The following ARHGEF19 variants were observed in gnomAD, a reference collection of about 807,000 sequenced individuals.
The protein encoded by ARHGEF19 is Rho guanine nucleotide exchange factor (GEF) 19.
In ARHGEF19, 92 loss-of-function variants were observed where a neutral mutation model predicts 87.6. The ratio of observed to expected loss-of-function variants is 1.05; its 90% CI spans 0.89 to 1.25. ARHGEF19 has a LOEUF of 1.25. ARHGEF19 is among the 50% of genes most tolerant of loss of function. The pLI, the probability that ARHGEF19 is intolerant of heterozygous loss-of-function variation, is 0.00. For missense variants in ARHGEF19, 1,054 were observed against 1,051.8 expected (o/e 1.00, Z -0.03); for synonymous variants, 438 against 446.2 (o/e 0.98, Z 0.23).
intron 12 of ARHGEF19, 103 bp downstream of exon 12, chr1:16,204,656 A>G: frequency 7.3e-7 from 1 of 1,374,446 alleles, no homozygotes; most frequent in Admixed American, 2.6e-5. Flanking sequence ...TGGCACAGGC[A>G]GGGACTCCCA....
chr1:16,205,925 C>A lies in ARHGEF19; in HGVS notation c.1451+6G>T. ...CCCCCGCCCCTTTCAGAGCCCCCAG[C>A]CCTACAGCAGGCGCTGGTAGGTGCG... On this transcript the variant is annotated splice_donor_region_variant and intron_variant, in intron 8 of 15. Coordinates refer to ENST00000270747, the MANE Select transcript of ARHGEF19 (RefSeq NM_153213.5). This position sits in a 1 kb window ranked among gnomAD's most constrained non-coding sequence, Gnocchi z 5.8. 1 of 1,602,660 alleles carries A rather than the reference C, an allele frequency of 6.2e-7. No individual in the cohort carries two copies. Among genetic ancestry groups the A allele is most frequent in the Non-Finnish European group, 8.5e-7 (1 of 1,174,776 alleles).
chr1:16,201,541 G>T (rs1450514528), intron 14 of ARHGEF19, among the ~76,000 whole-genome samples: 1 of 152,150 alleles, frequency 6.6e-6, no homozygotes, highest in Non-Finnish European at 1.5e-5. Context: ...TGTAAAACAG[G>T]GGTGAAATGG....
chr1:16,200,707 G>A (rs779149217), intron 14 of ARHGEF19, among the ~76,000 whole-genome samples: 1 of 151,864 alleles, frequency 6.6e-6, no homozygotes, highest in Non-Finnish European at 1.5e-5. Flanking sequence ...TTGTGCCATT[G>A]CACTCCAGCC....
In ARHGEF19 at chr1:16,207,772, C is replaced by G; in HGVS notation, c.700G>C (p.Ala234Pro). ...ACACTTCGAGCCTCCATTCCAGATGCTTTCCCTGGAGAGGGCGAGAACTGA... is the reference window on the plus strand; with the variant it reads ...ACACTTCGAGCCTCCATTCCAGATGGTTTCCCTGGAGAGGGCGAGAACTGA... Reference protein sequence around the residue: ...SGTGAAREGKASGMEARSVEM... With the variant: ...SGTGAAREGKPSGMEARSVEM... The change falls in exon 4 of 16, where the codon GCA becomes CCA. Residue 234 changes from alanine to proline, a missense_variant. Physicochemically the swap from Ala to Pro is conservative, Grantham distance 27. Transcript: ENST00000270747. The surrounding 1 kb of genome is among the most constrained non-coding windows in gnomAD (Gnocchi z 4.0). The G allele has an allele frequency of 6.2e-7, 1 of 1,613,922 alleles. No homozygotes were observed. The highest frequency in any genetic ancestry group is 1.1e-5 in the South Asian group (1 of 91,078).
Position 16,207,902 on chromosome 1 carries a change from C to CCGCCGCGGGGG in ARHGEF19, c.694+41_694+42insCCCCCGCGGCG. 3.2e-6 allele frequency: 5 copies of CCGCCGCGGGGG among 1,574,786 alleles called. No homozygotes were observed. Among genetic ancestry groups the CCGCCGCGGGGG allele is most frequent in the Non-Finnish European group, 3.5e-6 (4 of 1,159,168 alleles). On this transcript the variant is annotated intron_variant, in intron 3 of 15. Coordinates refer to ENST00000270747, the MANE Select transcript of ARHGEF19 (RefSeq NM_153213.5). This position sits in a 1 kb window ranked among gnomAD's most constrained non-coding sequence, Gnocchi z 4.0. ...GGCATCGCCCACCCCCACCCCCACC[C>CCGCCGCGGGGG]GGCATCTGGCTGCCCTCAGGGCCCA...
At chr1:16,211,770 A>G (rs2081198379) in intron 1 of ARHGEF19, among the ~76,000 whole-genome samples, 1 of 152,224 alleles carries the variant, frequency 6.6e-6, no homozygotes, top group Admixed American at 6.5e-5. Context: ...TGTGTAGCTC[A>G]TCTCTGTTAG....
chr1:16,202,875 TTTTTGTTTTG>T (rs201420134), intron 12 of ARHGEF19, among the ~76,000 whole-genome samples: 1 of 152,040 alleles, frequency 6.6e-6, no homozygotes, highest in Non-Finnish European at 1.5e-5. Flanking sequence ...GTTTTTTGGC[TTTTTGTTTTG>T]TTTTGTTTTA....
chr1:16,209,347 T>G (rs942747927), intron 1 of ARHGEF19, among the ~76,000 whole-genome samples: 22 of 152,206 alleles, frequency 1.4e-4, no homozygotes, highest in Non-Finnish European at 2.4e-4. Flanking sequence ...ATTTTATAGG[T>G]GAGGAAACTG....
rs747296303 is a variant in ARHGEF19 at position 16,198,327 on chromosome 1, G to GT, written c.*259dup. On this transcript the variant is annotated 3_prime_UTR_variant, in exon 16 of 16. Coordinates refer to ENST00000270747, the MANE Select transcript of ARHGEF19 (RefSeq NM_153213.5). The surrounding 1 kb of genome is among the most constrained non-coding windows in gnomAD (Gnocchi z 4.1). ...AGGAGAGGGCCCCAGTCTTTGCCAG[G>GT]TATCAGTGATCACCTGTTATGGTCC... 136 of 357,198 alleles carry GT rather than the reference G, an allele frequency of 3.8e-4. No individual in the cohort carries two copies. Among genetic ancestry groups the GT allele is most frequent in the Non-Finnish European group, 6.3e-4 (126 of 199,926 alleles). 22.1% of individuals were successfully genotyped at this position (357,198 alleles called of 1,614,324 possible).
At position 16,206,944 on chromosome 1, in the gene ARHGEF19, C is replaced by T. The variant is rs1288560386; in HGVS notation, c.1137+4G>A. ...CGCCCCGCCGGGTCCCCGCGCGCGC[C>T]CACCTCCTGCAGCTTGCAGTCCCGC... On this transcript the variant is annotated splice_donor_region_variant and intron_variant, in intron 6 of 15. Coordinates refer to ENST00000270747, the MANE Select transcript of ARHGEF19 (RefSeq NM_153213.5). This position sits in a 1 kb window ranked among gnomAD's most constrained non-coding sequence, Gnocchi z 4.6. The T allele has an allele frequency of 1.4e-6, 2 of 1,467,632 alleles. No homozygotes were observed. Among genetic ancestry groups the T allele is most frequent in the South Asian group, 1.3e-5 (1 of 75,718 alleles). The allele number at this position is 1,467,632 out of a possible 1,614,324, so 90.9% of individuals were successfully genotyped here.
At chr1:16,201,920 G>A in intron 13 of ARHGEF19, 59 bp from the exon 14 acceptor site, 1 of 1,568,682 alleles carries the variant, frequency 6.4e-7, no homozygotes, top group Non-Finnish European at 8.7e-7. Flanking sequence ...CCAGGGCAGG[G>A]TGCTGAAACC....
Position 16,201,290 on chromosome 1 carries a change from C to T in ARHGEF19, c.2146+492G>A, listed in dbSNP as rs146638742. Among the ~76,000 whole-genome samples the T allele has an allele frequency of 5.4e-3, 821 of 152,260 alleles. 7 individuals are homozygous for T. The highest frequency in any genetic ancestry group is 0.019 in the African/African-American group (783 of 41,556). ...ATAGGAAGGCTCTCTATGATTAGGTCGCACCCTGGCTTACCAGCCTCACTT... is the reference window on the plus strand; with the variant it reads ...ATAGGAAGGCTCTCTATGATTAGGTTGCACCCTGGCTTACCAGCCTCACTT... On this transcript the variant is annotated intron_variant, in intron 14 of 15. Transcript: ENST00000270747.
intron 1 of ARHGEF19, among the ~76,000 whole-genome samples, chr1:16,211,251 T>A (rs1234214238): frequency 6.6e-6 from 1 of 151,394 alleles, no homozygotes; most frequent in Non-Finnish European, 1.5e-5. Context: ...ATCGCAGGAG[T>A]GTGCACAAGG....
At position 16,206,489 on chromosome 1, in the gene ARHGEF19, G is replaced by C; in HGVS notation, c.1138-149C>G. 1 of 814,284 alleles carries C rather than the reference G, an allele frequency of 1.2e-6. No individual in the cohort carries two copies. Among genetic ancestry groups the C allele is most frequent in the Admixed American group, 2.8e-5 (1 of 35,792 alleles). 50.4% of individuals were successfully genotyped at this position (814,284 alleles called of 1,614,324 possible). On this transcript the variant is annotated intron_variant, in intron 6 of 15. Coordinates refer to ENST00000270747, the MANE Select transcript of ARHGEF19 (RefSeq NM_153213.5). This position sits in a 1 kb window ranked among gnomAD's most constrained non-coding sequence, Gnocchi z 4.6. ...TAATCTGGCGCCGGGCGGGCCCGGC[G>C]ACCCACGTCCCGCCGCGGGAAATTG...
Position 16,206,756 on chromosome 1 carries a change from T to C in ARHGEF19, c.1137+192A>G, listed in dbSNP as rs1245090546. On this transcript the variant is annotated intron_variant, in intron 6 of 15. Transcript: ENST00000270747. The surrounding 1 kb of genome is among the most constrained non-coding windows in gnomAD (Gnocchi z 4.6). ...AAGCCCGGCTCCCCTCGCCTCTCGC[T>C]CAGCGGCTTGCTGTCCTCGCTTCCA... is the stretch of plus-strand genomic sequence containing the variant. Among the ~76,000 whole-genome samples, 1 of 151,470 alleles carries C rather than the reference T, an allele frequency of 6.6e-6. No homozygotes were observed. Among genetic ancestry groups the C allele is most frequent in the African/African-American group, 2.4e-5 (1 of 41,084 alleles).
chr1:16,202,561 C>A lies in ARHGEF19; in HGVS notation c.1921G>T (p.Ala641Ser). The A allele has an allele frequency of 6.2e-7, 1 of 1,613,542 alleles. No homozygotes were observed. The highest frequency in any genetic ancestry group is 8.5e-7 in the Non-Finnish European group (1 of 1,179,564). The part of the protein sequence containing the change: ...LSRRKELGKF[A>S]VFVHAKMAEL... ...GCCATCTTGGCATGGACGAAAACGG[C>A]AAACTTCCCTAGCCTGGAGGACCGG... The change falls in exon 13 of 16, where the codon GCC becomes TCC. Residue 641 changes from alanine (A) to serine (S), a missense_variant. Ala to Ser is a moderately conservative substitution (Grantham distance 99). Transcript: ENST00000270747.
intron 1 of ARHGEF19, among the ~76,000 whole-genome samples, chr1:16,209,578 T>C (rs1404649787): frequency 1.3e-5 from 2 of 152,170 alleles, no homozygotes; most frequent in Non-Finnish European, 2.9e-5. Flanking sequence ...CTTTCATAGA[T>C]ACAGACATTT....
chr1:16,201,365 C>T (rs761464473), intron 14 of ARHGEF19, among the ~76,000 whole-genome samples: 5 of 152,284 alleles, frequency 3.3e-5, no homozygotes, highest in Admixed American at 2.0e-4. Flanking sequence ...GCCTCACCTG[C>T]CACCACTACC....
Position 16,208,179 on chromosome 1 carries a change from G to C in ARHGEF19, c.459C>G (p.Pro153=), listed in dbSNP as rs750188679. 6.2e-7 allele frequency: 1 copy of C among 1,613,250 alleles called. No individual in the cohort carries two copies. Among genetic ancestry groups the C allele is most frequent in the Non-Finnish European group, 8.5e-7 (1 of 1,179,594 alleles). ...VYQREEVPGC[P]EAHAVFLEPG... is the part of the protein sequence containing the mutation. ...GCTCTAGGAAGACAGCGTGGGCCTCGGGGCAGCCGGGGACCTCTTCACGCT... is the reference window on the plus strand; with the variant it reads ...GCTCTAGGAAGACAGCGTGGGCCTCCGGGCAGCCGGGGACCTCTTCACGCT... Residue 153 remains proline (P), a synonymous_variant, in exon 3 of 16, where the codon CCC becomes CCG. Coordinates refer to ENST00000270747, the MANE Select transcript of ARHGEF19 (RefSeq NM_153213.5).
Sources: gnomAD v4.1 joint callset for allele counts (sites outside exome capture counted in the v4.1 genomes callset) on GRCh38, gnomAD v4.1.1 for gene constraint, Gnocchi (gnomAD v3.1) non-coding constraint, MANE v1.5 for transcripts, NCBI Gene and HGNC (gene_info 2026-07-23, HGNC 2026-07-21) for gene names.